SYT6: variants seen among roughly 807,000 people sequenced by gnomAD.
SYT6 encodes the protein synaptotagmin-6.
In SYT6, 24 loss-of-function variants were observed where a neutral mutation model predicts 38.4. The observed-to-expected ratio is 0.62, with a 90% CI of 0.45 to 0.88. SYT6 has a LOEUF of 0.88. SYT6 is among the 40% of genes least tolerant of loss of function. The pLI, the probability that SYT6 is intolerant of heterozygous loss-of-function variation, is 0.00. For missense variants in SYT6, 611 were observed against 621.0 expected (o/e 0.98, Z 0.17); for synonymous variants, 265 against 241.9 (o/e 1.10, Z -0.89).
intron 1 of SYT6, chr1:114,152,620 T>C (rs1414842581): frequency 1.3e-5 from 2 of 152,028 alleles, no homozygotes; most frequent in Middle Eastern, 3.4e-3. Context: ...AGCAGGTAAA[T>C]ACCCTGGGCC....
intron 3 of SYT6, among the ~76,000 whole-genome samples, chr1:114,113,927 G>T (rs191468324): frequency 6.6e-6 from 1 of 152,222 alleles, no homozygotes; most frequent in Non-Finnish European, 1.5e-5. Context: ...GGCCCTCCAC[G>T]AACGGGGCTG....
chr1:114,129,488 C>T (rs2101061966), intron 3 of SYT6, among the ~76,000 whole-genome samples: 1 of 152,218 alleles, frequency 6.6e-6, no homozygotes, highest in Middle Eastern at 3.4e-3. Context: ...TCTGCTTCTG[C>T]CACACTCACT....
At chr1:114,123,003 G>T (rs1477990805) in intron 3 of SYT6, among the ~76,000 whole-genome samples, 1 of 152,162 alleles carries the variant, frequency 6.6e-6, no homozygotes. Flanking sequence ...TCCGGGGCCC[G>T]CGAGGCACTC....
chr1:114,137,838 G>A lies in SYT6; in HGVS notation c.728C>T (p.Thr243Ile), dbSNP rs1394352128. 4.3e-6 allele frequency: 7 copies of A among 1,613,946 alleles called. No individual in the cohort carries two copies. The African/African-American group carries it at 9.3e-5, about 22-fold the overall frequency. The change falls in exon 3 of 8, where the codon ACC (threonine) becomes ATC (isoleucine). Residue 243 changes from threonine to isoleucine, a missense_variant. Thr to Ile is a moderately conservative substitution (Grantham distance 89, BLOSUM62 -1). Transcript: ENST00000610222. ...CAGGATACGCACAATCAGGGTCTCGGTCTCGTAATCGTAGCGTAGGCTGAA... is the reference window on the plus strand; with the variant it reads ...CAGGATACGCACAATCAGGGTCTCGATCTCGTAATCGTAGCGTAGGCTGAA... Reference protein sequence around the residue: ...INFSLRYDYETETLIVRILKA... With the variant: ...INFSLRYDYEIETLIVRILKA...
At chr1:114,123,395 G>C (rs1677538255) in intron 3 of SYT6, among the ~76,000 whole-genome samples, 1 of 152,220 alleles carries the variant, frequency 6.6e-6, no homozygotes, top group Non-Finnish European at 1.5e-5. Context: ...CCCTGGGAAA[G>C]AGCCCCAGGC....
Position 114,097,856 on chromosome 1 carries a change from T to A in SYT6, c.1386A>T (p.Ile462=), listed in dbSNP as rs760652485. The stretch of plus-strand genomic sequence containing the variant: ...CAGTGATCCCCACACGACAGACTCC[T>A]ATGATCTCATTGTGGCCCACTCTGA... ...DYDRVGHNEI[I]GVCRVGITAE... Residue 462 remains isoleucine (I), a synonymous_variant, in exon 6 of 8, where the codon ATA becomes ATT. Transcript: ENST00000610222. 1 of 1,614,178 alleles carries A rather than the reference T, an allele frequency of 6.2e-7. No individual in the cohort carries two copies. Among genetic ancestry groups the A allele is most frequent in the East Asian group, 2.2e-5 (1 of 44,882 alleles).
chr1:114,122,477 A>G (rs1001677148), intron 3 of SYT6, among the ~76,000 whole-genome samples: 1 of 113,288 alleles, frequency 8.8e-6, no homozygotes, highest in Admixed American at 9.1e-5. Context: ...CACAGCATGT[A>G]CATTTGTGTG....
chr1:114,137,801 G>C lies in SYT6; in HGVS notation c.765C>G (p.Asp255Glu), dbSNP rs1164377555. 6.2e-7 allele frequency: 1 copy of C among 1,613,972 alleles called. No homozygotes were observed. Among genetic ancestry groups the C allele is most frequent in the Non-Finnish European group, 8.5e-7 (1 of 1,180,030 alleles). ...TLIVRILKAF[D>E]LPAKDFCGSS... ...TTCCACAAAAGTCCTTGGCAGGGAG[G>C]TCAAAAGCCTTCAGGATACGCACAA... The change falls in exon 3 of 8, where the codon GAC (aspartate) becomes GAG (glutamate). Residue 255 changes from aspartate to glutamate, a missense_variant. Physicochemically the swap from Asp to Glu is conservative, Grantham distance 45 (BLOSUM62 2). Coordinates refer to ENST00000610222, the MANE Select transcript of SYT6 (RefSeq NM_001253772.2).
rs34039948 is a variant in SYT6 at position 114,103,671 on chromosome 1, A to T, written c.1122T>A (p.Thr374=). The T allele has an allele frequency of 3.5e-3, 5,590 of 1,614,166 alleles. 165 individuals carry two copies. The African/African-American group carries it at 0.065, about 19-fold the overall frequency. Residue 374 remains threonine, a synonymous_variant, in exon 4 of 8, where the codon ACT becomes ACA. Transcript: ENST00000610222. ...TCACTGTGAGGGTGAGCCTGCCTGC[A>T]GTGGGCAGGTAGCAAAGGGAGAACA... ...EIMFSLCYLP[T]AGRLTLTVIK...
Position 114,137,743 on chromosome 1 carries a change from G to A in SYT6, c.823C>T (p.Pro275Ser). Reference sequence around the variant, plus strand: ...GTCTGCAGCTTGCATTTGCGGTCAGGCAGGAGGTAGATCTTGACATAAGGG... The same window carrying A: ...GTCTGCAGCTTGCATTTGCGGTCAGACAGGAGGTAGATCTTGACATAAGGG... ...SDPYVKIYLL[P>S]DRKCKLQTRV... The change falls in exon 3 of 8, where the codon CCT (proline) becomes TCT (serine). Residue 275 changes from proline (P) to serine (S), a missense_variant. By Grantham distance (74) the Pro-to-Ser change is moderately conservative. Transcript: ENST00000610222. 2 of 1,614,164 alleles carry A rather than the reference G, an allele frequency of 1.2e-6. No individual in the cohort carries two copies. The highest frequency in any genetic ancestry group is 2.2e-5 in the East Asian group (1 of 44,876).
At chr1:114,129,706 G>A (rs60006648) in intron 3 of SYT6, among the ~76,000 whole-genome samples, 58,718 of 144,054 alleles carry the variant, frequency 0.41, 13,593 homozygotes, top group South Asian at 0.62. Flanking sequence ...GTCTTGCTCT[G>A]TTGGCCAGTC....
intron 3 of SYT6, among the ~76,000 whole-genome samples, chr1:114,136,490 G>A (rs898606680): frequency 6.6e-6 from 1 of 152,216 alleles, no homozygotes. Flanking sequence ...ATACCTGCAG[G>A]ATGCAGCTAC....
chr1:114,137,540 C>G lies in SYT6; in HGVS notation c.1026G>C (p.Leu342=). 6.2e-7 allele frequency: 1 copy of G among 1,614,154 alleles called. No individual in the cohort carries two copies. The change falls in exon 3 of 8, where the codon CTG becomes CTC. Residue 342 remains leucine (L), a synonymous_variant. Transcript: ENST00000610222. ...CCTTCCAGATGGAGGTTTCCCGAGA[C>G]AGGTCAGAGGCCTCAAAGAGGTTGT... ...ILDNLFEASD[L]SRETSIWKDI...
Position 114,107,430 on chromosome 1 carries a change from C to T in SYT6, c.1072-3709G>A, listed in dbSNP as rs189147432. The stretch of plus-strand genomic sequence containing the variant: ...ATGAACTGCACCCTCCATCCATGGG[C>T]GCAGCCAGGTGAAAGGACTGGCTCA... On this transcript the variant is annotated intron_variant, in intron 3 of 7. Coordinates refer to ENST00000610222, the MANE Select transcript of SYT6 (RefSeq NM_001253772.2). Among the ~76,000 whole-genome samples the T allele has an allele frequency of 1.7e-3, 266 of 152,332 alleles. 6 individuals carry two copies. In the South Asian group the frequency reaches 0.042, roughly 24 times the overall value.
At chr1:114,108,815 G>A (rs1676491028) in intron 3 of SYT6, among the ~76,000 whole-genome samples, 1 of 152,204 alleles carries the variant, frequency 6.6e-6, no homozygotes. Flanking sequence ...TGCAGGCTAA[G>A]CAAAGCAAGA....
At chr1:114,153,541 G>C (rs1679554472) in intron 1 of SYT6, 69 bp downstream of exon 1, 1 of 565,316 alleles carries the variant, frequency 1.8e-6, no homozygotes, top group Non-Finnish European at 3.2e-6. Flanking sequence ...TCCTGGGACC[G>C]GGGCTTTGGG....
chr1:114,090,207 G>C lies in SYT6; in HGVS notation c.*1927C>G, dbSNP rs1021164717. ...AGAATCATAATGAAGTCTGTCACCT[G>C]CCAGGAATCTTGTCATGACCTTGGG... On this transcript the variant is annotated 3_prime_UTR_variant, in exon 8 of 8. Transcript: ENST00000610222. The C allele has an allele frequency of 3.9e-5, 6 of 152,326 alleles. No individual in the cohort carries two copies. The highest frequency in any genetic ancestry group is 1.4e-4 in the African/African-American group (6 of 41,452). The allele number at this position is 152,326 out of a possible 1,614,324, so 9.4% of individuals were successfully genotyped here.
chr1:114,113,007 TGA>T (rs1676778390), intron 3 of SYT6, among the ~76,000 whole-genome samples: 2 of 152,184 alleles, frequency 1.3e-5, no homozygotes, highest in South Asian at 4.1e-4. Context: ...ACAAGTGCCC[TGA>T]GGGGGATGCC....
intron 3 of SYT6, among the ~76,000 whole-genome samples, chr1:114,109,965 G>C (rs747982182): frequency 6.6e-5 from 10 of 152,176 alleles, no homozygotes; most frequent in African/African-American, 1.4e-4. Flanking sequence ...GGGAGTGTTC[G>C]GGGCGCATGA....
Sources: gnomAD v4.1 joint callset for allele counts (sites outside exome capture counted in the v4.1 genomes callset) on GRCh38, gnomAD v4.1.1 for gene constraint, MANE v1.5 for transcripts, NCBI Gene and HGNC (gene_info 2026-07-23, HGNC 2026-07-21) for gene names.